Variants in GABRG3 observed in about 807,000 individuals in gnomAD.
GABRG3 encodes gamma-aminobutyric acid receptor subunit gamma-3.
A neutral mutation model predicts 48.8 loss-of-function variants in GABRG3; 25 were observed. The ratio of observed to expected loss-of-function variants is 0.51; its 90% confidence interval spans 0.37 to 0.72. The LOEUF is 0.72. Among genes scored for constraint, GABRG3 ranks in the 30% least tolerant of loss-of-function variants. The pLI, the probability that GABRG3 is intolerant of heterozygous loss-of-function variation, is 0.00. For missense variants in GABRG3, 394 were observed against 577.9 expected, an observed-to-expected ratio of 0.68 and a Z score of 3.26; for synonymous variants, 227 against 217.6, an observed-to-expected ratio of 1.04 and a Z score of -0.38.
intron 5 of GABRG3, among the ~76,000 whole-genome samples, chr15:27,376,786 G>C (rs896037037): frequency 1.3e-5 from 2 of 152,154 alleles, no homozygotes; most frequent in Non-Finnish European, 2.9e-5. Context: ...CTGTTTCAAA[G>C]GTCTCTGACA....
At position 27,359,400 on chromosome 15, in the gene GABRG3, T is replaced by G. The variant is rs76503001; in HGVS notation, c.574+30512T>G. ...GTGGTGTGTTTGATTTTATTCAGAT[T>G]TTAGTATTTTCCACAATGGTCTGTG... is the stretch of plus-strand genomic sequence containing the variant. On this transcript the variant is annotated intron_variant, in intron 5 of 9. Transcript: ENST00000615808. 2.6e-3 allele frequency among the ~76,000 whole-genome samples: 393 copies of G among 152,376 alleles called. 11 individuals are homozygous for G. The East Asian group carries it at 0.062, about 24-fold the overall frequency.
chr15:26,991,907 A>C (rs1008582602), intron 2 of GABRG3, among the ~76,000 whole-genome samples: 18 of 151,936 alleles, frequency 1.2e-4, no homozygotes, highest in Admixed American at 1.0e-3. Flanking sequence ...TTTTTAGTAG[A>C]GATGGGGTTT....
At chr15:27,167,274 A>G (rs1439916993) in intron 3 of GABRG3, among the ~76,000 whole-genome samples, 1 of 152,236 alleles carries the variant, frequency 6.6e-6, no homozygotes, top group Non-Finnish European at 1.5e-5. Context: ...AGTAAGAAGT[A>G]CATTTGTCTT....
intron 3 of GABRG3, among the ~76,000 whole-genome samples, chr15:27,232,496 C>T (rs74004735): frequency 0.015 from 2,254 of 152,238 alleles, 57 homozygotes; most frequent in African/African-American, 0.052. Flanking sequence ...GGCCAACTCA[C>T]TGGATTGAAT....
chr15:27,235,266 C>G (rs949542241), intron 3 of GABRG3, among the ~76,000 whole-genome samples: 1 of 150,798 alleles, frequency 6.6e-6, no homozygotes, highest in Non-Finnish European at 1.5e-5. Flanking sequence ...TATCCCTGCA[C>G]AGAAGATGGT....
In GABRG3 at chr15:26,971,453, G is replaced by A; in HGVS notation, c.-83G>A. The A allele has an allele frequency of 3.3e-6, 4 of 1,199,204 alleles. No individual in the cohort carries two copies. Among genetic ancestry groups the A allele is most frequent in the South Asian group, 1.7e-5 (1 of 60,252 alleles). 74.3% of individuals were successfully genotyped at this position (1,199,204 alleles called of 1,614,324 possible). A position where few individuals can be genotyped will look rare whatever the true frequency, so the allele number is the denominator to read the frequency against. On this transcript the variant is annotated 5_prime_UTR_variant, in exon 1 of 10. Coordinates refer to ENST00000615808, the MANE Select transcript of GABRG3 (RefSeq NM_033223.5). ...GCCTCGGAGGAAGCCAGGGCAAAGA[G>A]GGCCGGCGGAGACCAGGTCCGCGCC...
intron 3 of GABRG3, among the ~76,000 whole-genome samples, chr15:27,227,179 C>T (rs1291081708): frequency 6.6e-6 from 1 of 152,036 alleles, no homozygotes; most frequent in East Asian, 1.9e-4. Flanking sequence ...GTAGTAATTA[C>T]ACAATTAATT....
intron 3 of GABRG3, among the ~76,000 whole-genome samples, chr15:27,119,450 C>A (rs767662719): frequency 9.2e-5 from 14 of 152,080 alleles, no homozygotes; most frequent in Non-Finnish European, 1.8e-4. Context: ...GTCCTGTAGA[C>A]GTGGTTAGTT....
intron 3 of GABRG3, among the ~76,000 whole-genome samples, chr15:27,171,617 G>A (rs1388273105): frequency 6.6e-6 from 1 of 151,178 alleles, no homozygotes; most frequent in Non-Finnish European, 1.5e-5. Flanking sequence ...GAACATAATA[G>A]AAAGAAAAAT....
chr15:27,532,052 C>G (rs1891435321), intron 9 of GABRG3, among the ~76,000 whole-genome samples: 1 of 152,102 alleles, frequency 6.6e-6, no homozygotes, highest in South Asian at 2.1e-4. Flanking sequence ...TTACTCTTCA[C>G]TAATTAGAAA....
chr15:27,416,254 G>A (rs917734829), intron 5 of GABRG3, among the ~76,000 whole-genome samples: 1 of 152,122 alleles, frequency 6.6e-6, no homozygotes, highest in African/African-American at 2.4e-5. Flanking sequence ...AGGTGTGGGT[G>A]GGGAAACTTC....
intron 6 of GABRG3, chr15:27,481,349 G>A (rs1056569467): frequency 4.9e-6 from 4 of 810,984 alleles, no homozygotes; most frequent in Admixed American, 6.2e-5. Flanking sequence ...ATATGTGAAT[G>A]TGTTTTGTTT....
At chr15:27,145,932 A>T (rs919633785) in intron 3 of GABRG3, among the ~76,000 whole-genome samples, 3 of 152,092 alleles carry the variant, frequency 2.0e-5, no homozygotes, top group Non-Finnish European at 2.9e-5. Context: ...GAAAACACAT[A>T]GATGTTAGAA....
chr15:27,008,548 C>T (rs1210124393), intron 2 of GABRG3, among the ~76,000 whole-genome samples: 1 of 152,156 alleles, frequency 6.6e-6, no homozygotes, highest in East Asian at 1.9e-4. Context: ...AGTTGGCAGG[C>T]CTGTGTGGCC....
chr15:27,352,041 G>C lies in GABRG3; in HGVS notation c.574+23153G>C, dbSNP rs1428736917. Reference sequence around the variant, plus strand: ...TTTATGGTGTATGCGTGTATAGTGTGTGTGTGTATGGTATGTGTGTATCGT... The same window carrying C: ...TTTATGGTGTATGCGTGTATAGTGTCTGTGTGTATGGTATGTGTGTATCGT... On this transcript the variant is annotated intron_variant, in intron 5 of 9. Coordinates refer to ENST00000615808, the MANE Select transcript of GABRG3 (RefSeq NM_033223.5). The surrounding 1 kb of genome is among the most constrained non-coding windows in gnomAD (Gnocchi z 4.0). Among the ~76,000 whole-genome samples the C allele has an allele frequency of 2.7e-5, 4 of 150,898 alleles. No individual in the cohort carries two copies. Among genetic ancestry groups the C allele is most frequent in the Admixed American group, 2.6e-4 (4 of 15,152 alleles).
intron 3 of GABRG3, among the ~76,000 whole-genome samples, chr15:27,323,282 G>C (rs1251830667): frequency 1.3e-5 from 2 of 152,130 alleles, no homozygotes; most frequent in Non-Finnish European, 2.9e-5. Context: ...GTTATACTTA[G>C]GTTAAACAAA....
At chr15:27,518,827 A>G (rs1309790158) in intron 6 of GABRG3, among the ~76,000 whole-genome samples, 1 of 152,234 alleles carries the variant, frequency 6.6e-6, no homozygotes, top group Admixed American at 6.5e-5. Context: ...GGAGAAGGCT[A>G]AAATGATACT....
At chr15:27,163,273 G>T (rs1335633202) in intron 3 of GABRG3, among the ~76,000 whole-genome samples, 2 of 152,142 alleles carry the variant, frequency 1.3e-5, no homozygotes, top group African/African-American at 4.8e-5. Flanking sequence ...ACCAAGGAGG[G>T]AGGATTTCTT....
intron 5 of GABRG3, among the ~76,000 whole-genome samples, chr15:27,449,209 C>T (rs779576858): frequency 2.6e-5 from 4 of 152,202 alleles, no homozygotes; most frequent in Non-Finnish European, 4.4e-5. Flanking sequence ...CAGAACTCTG[C>T]CTGTGCATAC....
Sources: allele counts gnomAD v4.1 joint callset (sites outside exome capture counted in the v4.1 genomes callset), GRCh38; gene constraint gnomAD v4.1.1; non-coding constraint Gnocchi (gnomAD v3.1); transcripts MANE v1.5; gene names NCBI Gene and HGNC (gene_info 2026-07-23, HGNC 2026-07-21).